Variants in MARCHF1 observed in about 807,000 individuals in gnomAD.
MARCHF1 encodes membrane associated ring-CH-type finger 1.
MARCHF1 carries 40 observed loss-of-function variants against 54.2 expected under a neutral mutation model. That is an observed-to-expected ratio of 0.74 (90% CI 0.57 to 0.96). The LOEUF is 0.96. Among genes scored for constraint, MARCHF1 ranks in the 40% least tolerant of loss-of-function variants. MARCHF1 has a pLI of 0.00. For synonymous variants in MARCHF1, 236 were observed against 236.3 expected, an observed-to-expected ratio of 1.00 and a Z score of 0.01; for missense variants, 586 against 656.5, an observed-to-expected ratio of 0.89 and a Z score of 1.17.
At chr4:164,057,235 A>T (rs1336547662) in intron 2 of MARCHF1, among the ~76,000 whole-genome samples, 1 of 152,226 alleles carries the variant, frequency 6.6e-6, no homozygotes, top group Non-Finnish European at 1.5e-5. Flanking sequence ...CAAATACTGC[A>T]GTACCTTGAA....
In MARCHF1 at chr4:163,866,513, TA is replaced by T. The variant is rs1005442737; in HGVS notation, c.-38-12345del. Among the ~76,000 whole-genome samples, 32 of 135,218 alleles carry T rather than the reference TA, an allele frequency of 2.4e-4. 1 individual carries two copies. The highest frequency in any genetic ancestry group is 6.3e-4 in the African/African-American group (25 of 39,750). 88.7% of individuals were successfully genotyped at this position (135,218 alleles called of 152,430 possible). A position where few individuals can be genotyped will look rare whatever the true frequency, so the allele number is the denominator to read the frequency against. ...ACTGTAGTAGTTTATATAATATATA[TA>T]ATAATATATTATGAATTATATATTA... On this transcript the variant is annotated intron_variant, in intron 3 of 9. Transcript: ENST00000514618.
chr4:164,178,413 T>C (rs999484173), intron 1 of MARCHF1, among the ~76,000 whole-genome samples: 11 of 152,182 alleles, frequency 7.2e-5, no homozygotes, highest in Non-Finnish European at 1.5e-5. Context: ...CAAAATTATG[T>C]GTCCAGTAAA....
chr4:164,266,034 C>T (rs1444315779), intron 1 of MARCHF1, among the ~76,000 whole-genome samples: 1 of 152,174 alleles, frequency 6.6e-6, no homozygotes, highest in Non-Finnish European at 1.5e-5. Context: ...TGTTTGTTCG[C>T]TCCTGCCACA....
chr4:163,632,370 C>T (rs933086363), intron 5 of MARCHF1, among the ~76,000 whole-genome samples: 22 of 152,072 alleles, frequency 1.4e-4, no homozygotes, highest in African/African-American at 4.8e-4. Flanking sequence ...AGACAGTGGG[C>T]GCAGGTCAGT....
intron 8 of MARCHF1, among the ~76,000 whole-genome samples, chr4:163,571,856 G>A (rs1739851465): frequency 6.6e-6 from 1 of 151,988 alleles, no homozygotes; most frequent in South Asian, 2.1e-4. Context: ...ATGCCTCAGG[G>A]CTGCAGAAGA....
At chr4:163,663,671 C>T (rs951656527) in intron 5 of MARCHF1, among the ~76,000 whole-genome samples, 1 of 152,072 alleles carries the variant, frequency 6.6e-6, no homozygotes, top group Non-Finnish European at 1.5e-5. Context: ...GGCCACGTCT[C>T]TCCTGGCGCG....
intron 1 of MARCHF1, among the ~76,000 whole-genome samples, chr4:164,180,598 A>G (rs1291161594): frequency 6.6e-6 from 1 of 152,198 alleles, no homozygotes; most frequent in Non-Finnish European, 1.5e-5. Flanking sequence ...ATTATGCAGC[A>G]GAGGAGACAG....
At chr4:163,567,061 T>C (rs10005674) in intron 8 of MARCHF1, among the ~76,000 whole-genome samples, 72,520 of 151,818 alleles carry the variant, frequency 0.48, 17,383 homozygotes, top group East Asian at 0.52. Flanking sequence ...GTGCAGCAAA[T>C]CAGCATGGCA....
intron 1 of MARCHF1, among the ~76,000 whole-genome samples, chr4:164,153,881 T>C (rs1039896267): frequency 2.0e-5 from 3 of 152,160 alleles, no homozygotes; most frequent in Non-Finnish European, 4.4e-5. Flanking sequence ...TACACTAAAA[T>C]ATTAATGACT....
rs1466760726 is a variant in MARCHF1 at position 163,527,810 on chromosome 4, G to GTAAAC, written c.*933_*937dup. On this transcript the variant is annotated 3_prime_UTR_variant, in exon 10 of 10. Transcript: ENST00000514618. Reference sequence around the variant, plus strand: ...TGAAAACTTGGTTCAAGAAACAGATGTAAACTATCAATCAATCAATCAATT... The same window carrying GTAAAC: ...TGAAAACTTGGTTCAAGAAACAGATGTAAACTAAACTATCAATCAATCAATCAATT... 2.6e-5 allele frequency: 4 copies of GTAAAC among 151,212 alleles called. No homozygotes were observed. The highest frequency in any genetic ancestry group is 3.9e-4 in the East Asian group (2 of 5,150). The allele number at this position is 151,212 out of a possible 1,614,324, so 9.4% of individuals were successfully genotyped here.
intron 5 of MARCHF1, among the ~76,000 whole-genome samples, chr4:163,630,491 T>C (rs1742035679): frequency 6.6e-6 from 1 of 152,198 alleles, no homozygotes; most frequent in Admixed American, 6.5e-5. Context: ...ATGTTCTACG[T>C]CTTGATTGCA....
At chr4:163,563,760 C>G (rs1739551613) in intron 8 of MARCHF1, among the ~76,000 whole-genome samples, 1 of 152,138 alleles carries the variant, frequency 6.6e-6, no homozygotes, top group African/African-American at 2.4e-5. Context: ...AATGCACATA[C>G]CACAATGCTT....
intron 1 of MARCHF1, among the ~76,000 whole-genome samples, chr4:164,172,452 A>G (rs1013241441): frequency 2.0e-5 from 3 of 152,164 alleles, no homozygotes; most frequent in African/African-American, 7.2e-5. Context: ...ATATTAAATT[A>G]TAGACAGAAA....
Position 163,769,884 on chromosome 4 carries a change from T to C in MARCHF1, c.112-69021A>G, listed in dbSNP as rs140291971. Among the ~76,000 whole-genome samples, 44 of 152,278 alleles carry C rather than the reference T, an allele frequency of 2.9e-4. No individual in the cohort carries two copies. In the East Asian group the frequency reaches 6.9e-3, roughly 24 times the overall value. On this transcript the variant is annotated intron_variant, in intron 4 of 9. Transcript: ENST00000514618. ...GCCACAAAGGTATGAACTACGTTGA[T>C]CCACTTATATGTGCATTTTCTTCTG...
intron 4 of MARCHF1, among the ~76,000 whole-genome samples, chr4:163,732,936 G>A (rs191385422): frequency 6.6e-6 from 1 of 151,722 alleles, no homozygotes; most frequent in African/African-American, 2.4e-5. Flanking sequence ...TGGATCATCT[G>A]AGGTCAGGAG....
At chr4:164,078,272 A>G (rs1278666888) in intron 2 of MARCHF1, among the ~76,000 whole-genome samples, 2 of 152,090 alleles carry the variant, frequency 1.3e-5, no homozygotes, top group Admixed American at 6.6e-5. Context: ...GCAAACTAAC[A>G]CAAGAACAGA....
At chr4:164,188,570 T>C in intron 1 of MARCHF1, 1 of 784,946 alleles carries the variant, frequency 1.3e-6, no homozygotes, top group South Asian at 1.4e-5. Context: ...CACGCGGTCC[T>C]ATGTGCCCTT....
At chr4:163,998,225 CTCTA>C (rs1278853577) in intron 2 of MARCHF1, among the ~76,000 whole-genome samples, 3 of 151,250 alleles carry the variant, frequency 2.0e-5, no homozygotes, top group Admixed American at 6.6e-5. Context: ...ATAGACTATT[CTCTA>C]TCTATACTAG....
At chr4:164,172,003 C>G (rs1408911001) in intron 1 of MARCHF1, among the ~76,000 whole-genome samples, 11 of 152,128 alleles carry the variant, frequency 7.2e-5, no homozygotes, top group Admixed American at 3.9e-4. Flanking sequence ...ACGTCATAGC[C>G]CGTCTCTCCA....
Sources: allele counts gnomAD v4.1 joint callset (sites outside exome capture counted in the v4.1 genomes callset), GRCh38; gene constraint gnomAD v4.1.1; transcripts MANE v1.5; gene names NCBI Gene and HGNC (gene_info 2026-07-23, HGNC 2026-07-21).